SLC23A3: variants seen among roughly 807,000 people sequenced by gnomAD.
The protein encoded by SLC23A3 is solute carrier family 23 member 3.
Under a neutral mutation model 64.7 loss-of-function variants are expected in SLC23A3, and 41 were observed. The ratio of observed to expected loss-of-function variants is 0.63; its 90% confidence interval spans 0.49 to 0.82. The LOEUF (loss-of-function observed/expected upper bound fraction) is 0.82, where lower values mean the gene tolerates loss of function less well. Among genes scored for constraint, SLC23A3 ranks in the 40% least tolerant of loss-of-function variants. The pLI is 0.00. For synonymous variants in SLC23A3, 281 were observed against 306.8 expected, an observed-to-expected ratio of 0.92 and a Z score of 0.88; for missense variants, 647 against 733.4, an observed-to-expected ratio of 0.88 and a Z score of 1.36.
rs1468763109 is a variant in SLC23A3, at chr2:219,161,976, T to A, written c.1766A>T (p.Asp589Val). 6.2e-7 allele frequency: 1 copy of A among 1,611,640 alleles called. No individual in the cohort carries two copies. Among genetic ancestry groups the A allele is most frequent in the South Asian group, 1.1e-5 (1 of 90,944 alleles). Reference protein sequence around the residue: ...GGSSEPEEMADLLPGSGEPCP... With the variant: ...GGSSEPEEMAVLLPGSGEPCP... ...TGGCTCCCCTGAGCCAGGCAGCAAG[T>A]CTGCCATCTCTTCTGGCTCAGAGGA... is the stretch of plus-strand genomic sequence containing the variant. Residue 589 changes from aspartate to valine, a missense_variant, in exon 12 of 12, where the codon GAC becomes GTC. Physicochemically the swap from Asp to Val is radical, Grantham distance 152. Transcript: ENST00000409878.
chr2:219,162,933 T>C (rs1464244243), intron 10 of SLC23A3, among the ~76,000 whole-genome samples: 4 of 152,196 alleles, frequency 2.6e-5, no homozygotes, highest in African/African-American at 4.8e-5. Flanking sequence ...AATCACCCAG[T>C]TGAGAACTGG....
rs766355658 is a variant in SLC23A3, at chr2:219,163,507, G to C, written c.1322C>G (p.Ser441Cys). The C allele has an allele frequency of 6.2e-7, 1 of 1,614,136 alleles. No individual in the cohort carries two copies. The highest frequency in any genetic ancestry group is 2.2e-5 in the East Asian group (1 of 44,874). ...TQAVVLSAGF[S>C]SFYLADIDSG... ...GTCTATGTCAGCCAGGTAGAAGCTG[G>C]AGAATCCAGCAGACAAAACCACAGC... The change falls in exon 10 of 12, where the codon TCC becomes TGC. Residue 441 changes from serine to cysteine, a missense_variant. By Grantham distance (112) the Ser-to-Cys change is moderately radical (BLOSUM62 -1). Coordinates refer to ENST00000409878, the MANE Select transcript of SLC23A3 (RefSeq NM_001144889.2).
At chr2:219,168,375 A>G (rs1292731122) in intron 5 of SLC23A3, 57 bp from the exon 6 acceptor site, 2 of 1,502,848 alleles carry the variant, frequency 1.3e-6, no homozygotes, top group Non-Finnish European at 8.9e-7. Context: ...GGGATGGGAA[A>G]GGAGGTGGGA....
Position 219,164,228 on chromosome 2 carries a change from C to G in SLC23A3, c.1273+5G>C. 1 of 1,595,202 alleles carries G rather than the reference C, an allele frequency of 6.3e-7. No homozygotes were observed. Among genetic ancestry groups the G allele is most frequent in the African/African-American group, 1.3e-5 (1 of 74,600 alleles). The stretch of plus-strand genomic sequence containing the variant: ...AATACCAGCCCTGTTGATACATCCA[C>G]TCACCAACAACAGGCAGTGGGATGG... On this transcript the variant is annotated splice_donor_5th_base_variant and intron_variant, in intron 9 of 11. Transcript: ENST00000409878.
intron 5 of SLC23A3, 100 bp downstream of exon 5, chr2:219,168,552 A>T: frequency 8.0e-7 from 1 of 1,244,714 alleles, no homozygotes; most frequent in Non-Finnish European, 1.1e-6. Flanking sequence ...TCCCTATTCC[A>T]GTCGCTGCTG....
Position 219,168,774 on chromosome 2 carries a change from A to C in SLC23A3, c.552T>G (p.Ser184Arg). ...CACAGTGGGGGAACACGTGGCCGGG[A>C]CTCCCCAGCAGCCCCATCATGCCCT... ...LLQGMMGLLG[S>R]PGHVFPHCGP... Residue 184 changes from serine to arginine, a missense_variant, in exon 5 of 12, where the codon AGT becomes AGG. By Grantham distance (110) the Ser-to-Arg change is moderately radical (BLOSUM62 -1). Coordinates refer to ENST00000409878, the MANE Select transcript of SLC23A3 (RefSeq NM_001144889.2). 1.2e-6 allele frequency: 2 copies of C among 1,609,162 alleles called. No homozygotes were observed. Among genetic ancestry groups the C allele is most frequent in the Non-Finnish European group, 1.7e-6 (2 of 1,177,598 alleles).
chr2:219,164,698 T>C, intron 8 of SLC23A3: 1 of 252,592 alleles, frequency 4.0e-6, no homozygotes, highest in Non-Finnish European at 7.6e-6. Flanking sequence ...TAGCTGGAAT[T>C]ATAGGTGCAC....
chr2:219,165,368 A>G lies in SLC23A3; in HGVS notation c.968T>C (p.Met323Thr), dbSNP rs1310466195. Reference protein sequence around the residue: ...TPRALAAGISMALAASTSSLG... With the variant: ...TPRALAAGISTALAASTSSLG... ...GGAACTGGTGGAGGCTGCCAAGGCCATGGAGATGCCTGCAGCCAGAGCTCT... is the reference window on the plus strand; with the variant it reads ...GGAACTGGTGGAGGCTGCCAAGGCCGTGGAGATGCCTGCAGCCAGAGCTCT... Residue 323 changes from methionine to threonine, a missense_variant, in exon 8 of 12, where the codon ATG becomes ACG. Met to Thr is a moderately conservative substitution (Grantham distance 81). Transcript: ENST00000409878. 4 of 1,551,232 alleles carry G rather than the reference A, an allele frequency of 2.6e-6. No homozygotes were observed. The highest frequency in any genetic ancestry group is 2.0e-5 in the Admixed American group (1 of 50,954).
chr2:219,167,087 G>A (rs995449134), intron 7 of SLC23A3, among the ~76,000 whole-genome samples: 5 of 152,088 alleles, frequency 3.3e-5, no homozygotes, highest in East Asian at 1.9e-4. Flanking sequence ...GCGAAATCCC[G>A]TCTCTACAAA....
Position 219,169,886 on chromosome 2 carries a change from G to A in SLC23A3, c.99C>T (p.Thr33=). 6.2e-7 allele frequency: 1 copy of A among 1,613,738 alleles called. No homozygotes were observed. Among genetic ancestry groups the A allele is most frequent in the Non-Finnish European group, 8.5e-7 (1 of 1,179,830 alleles). Residue 33 remains threonine, a synonymous_variant, in exon 1 of 12, where the codon ACC becomes ACT. Transcript: ENST00000409878. This position sits in a 1 kb window ranked among gnomAD's most constrained non-coding sequence, Gnocchi z 4.5. ...LPPPAPQNPS[T]HSWDPLCGSL... is the part of the protein sequence containing the mutation. ...ATCCACACAAAGGGTCCCAAGAGTG[G>A]GTGGAGGGATTCTGGGGAGCAGGTG...
Position 219,169,147 on chromosome 2 carries a change from G to A in SLC23A3, c.419-45C>T, listed in dbSNP as rs1950035812. The stretch of plus-strand genomic sequence containing the variant: ...TGGAGAAGAGAAGGGTGAATGGAAT[G>A]GAGACCCATTGCTCTACAGTCCCAC... On this transcript the variant is annotated intron_variant, in intron 3 of 11. Coordinates refer to ENST00000409878, the MANE Select transcript of SLC23A3 (RefSeq NM_001144889.2). The surrounding 1 kb of genome is among the most constrained non-coding windows in gnomAD (Gnocchi z 4.5). 4 of 1,605,202 alleles carry A rather than the reference G, an allele frequency of 2.5e-6. No individual in the cohort carries two copies. The highest frequency in any genetic ancestry group is 3.4e-6 in the Non-Finnish European group (4 of 1,172,124).
rs1950033978 is a variant in SLC23A3, at chr2:219,169,025, C to A, written c.492+4G>T. 6.2e-7 allele frequency: 1 copy of A among 1,612,958 alleles called. No homozygotes were observed. Among genetic ancestry groups the A allele is most frequent in the African/African-American group, 1.3e-5 (1 of 74,886 alleles). Reference sequence around the variant, plus strand: ...CTTATCCCTTCTCACCTCCAGATACCCACCTCCTGGAGAGAAGTGTTCCAG... The same window carrying A: ...CTTATCCCTTCTCACCTCCAGATACACACCTCCTGGAGAGAAGTGTTCCAG... On this transcript the variant is annotated splice_donor_region_variant and intron_variant, in intron 4 of 11. Coordinates refer to ENST00000409878, the MANE Select transcript of SLC23A3 (RefSeq NM_001144889.2). This position sits in a 1 kb window ranked among gnomAD's most constrained non-coding sequence, Gnocchi z 4.5.
In SLC23A3 at chr2:219,162,085, T is replaced by C. The variant is rs1559207564; in HGVS notation, c.1657A>G (p.Ile553Val). The stretch of plus-strand genomic sequence containing the variant: ...GGGATGCAGGGACAGAGGTTTTGGA[T>C]GGGGAAAGGAAGTCTGTACACTTGA... ...AAQVYRLPFP[I>V]QNLCPCIPQP... The change falls in exon 12 of 12, where the codon ATC becomes GTC. Residue 553 changes from isoleucine (I) to valine (V), a missense_variant. Ile to Val is a conservative substitution (Grantham distance 29, BLOSUM62 3). Transcript: ENST00000409878. The C allele has an allele frequency of 6.2e-7, 1 of 1,614,074 alleles. No individual in the cohort carries two copies. The highest frequency in any genetic ancestry group is 1.3e-5 in the African/African-American group (1 of 75,002).
Position 219,165,321 on chromosome 2 carries a change from C to T in SLC23A3, c.1015G>A (p.Gly339Ser), listed in dbSNP as rs1238008734. The change falls in exon 8 of 12, where the codon GGC becomes AGC. Residue 339 changes from glycine (G) to serine (S), a missense_variant. Gly to Ser is a moderately conservative substitution (Grantham distance 56, BLOSUM62 0). Coordinates refer to ENST00000409878, the MANE Select transcript of SLC23A3 (RefSeq NM_001144889.2). ...TSSLGCYALC[G>S]RLLHLPPPPP... ...GGGGGAGGCAAATGCAGCAGCCGGC[C>T]ACACAGGGCATAGCAGCCCAGGGAA... The T allele has an allele frequency of 6.4e-7, 1 of 1,551,622 alleles. No homozygotes were observed. Among genetic ancestry groups the T allele is most frequent in the Non-Finnish European group, 8.7e-7 (1 of 1,146,984 alleles).
chr2:219,166,909 G>C (rs1246922237), intron 7 of SLC23A3, among the ~76,000 whole-genome samples: 1 of 152,092 alleles, frequency 6.6e-6, no homozygotes, highest in Non-Finnish European at 1.5e-5. Context: ...ATATTTCCTC[G>C]GGTGACTCTT....
intron 7 of SLC23A3, among the ~76,000 whole-genome samples, chr2:219,166,271 C>A (rs1950004683): frequency 6.6e-6 from 1 of 152,232 alleles, no homozygotes; most frequent in Non-Finnish European, 1.5e-5. Flanking sequence ...TCATAGCTCA[C>A]TGCAGCCTCA....
chr2:219,164,023 C>G (rs1267426441), intron 9 of SLC23A3, among the ~76,000 whole-genome samples: 1 of 152,184 alleles, frequency 6.6e-6, no homozygotes, highest in Non-Finnish European at 1.5e-5. Context: ...TCTGATTCTT[C>G]AGGAAGCCCA....
chr2:219,169,899 T>C lies in SLC23A3; in HGVS notation c.86A>G (p.Gln29Arg), dbSNP rs1325282426. 1 of 1,613,562 alleles carries C rather than the reference T, an allele frequency of 6.2e-7. No homozygotes were observed. The highest frequency in any genetic ancestry group is 8.5e-7 in the Non-Finnish European group (1 of 1,179,758). Reference sequence around the variant, plus strand: ...GTCCCAAGAGTGGGTGGAGGGATTCTGGGGAGCAGGTGGAGGCAAGGGGGC... The same window carrying C: ...GTCCCAAGAGTGGGTGGAGGGATTCCGGGGAGCAGGTGGAGGCAAGGGGGC... Reference protein sequence around the residue: ...ALAPLPPPAPQNPSTHSWDPL... With the variant: ...ALAPLPPPAPRNPSTHSWDPL... The change falls in exon 1 of 12, where the codon CAG becomes CGG. Residue 29 changes from glutamine to arginine, a missense_variant. By Grantham distance (43) the Gln-to-Arg change is conservative (BLOSUM62 1). Transcript: ENST00000409878. The surrounding 1 kb of genome is among the most constrained non-coding windows in gnomAD (Gnocchi z 4.5).
rs200248868 is a variant in SLC23A3, at chr2:219,163,415, G to A, written c.1414C>T (p.Arg472Trp). ...GTGCTGAACAGGACTGGGGCTTCCCGAAACCATCTTGGCAGCAGCAAGGCC... is the reference window on the plus strand; with the variant it reads ...GTGCTGAACAGGACTGGGGCTTCCCAAAACCATCTTGGCAGCAGCAAGGCC... ...FMALLLPRWF[R>W]EAPVLFSTGW... Residue 472 changes from arginine (R) to tryptophan (W), a missense_variant, in exon 10 of 12, where the codon CGG becomes TGG. Coordinates refer to ENST00000409878, the MANE Select transcript of SLC23A3 (RefSeq NM_001144889.2). 2.5e-5 allele frequency: 40 copies of A among 1,614,074 alleles called. No individual in the cohort carries two copies. Among genetic ancestry groups the A allele is most frequent in the Non-Finnish European group, 3.1e-5 (37 of 1,180,050 alleles).
Sources: gnomAD v4.1 joint callset for allele counts (sites outside exome capture counted in the v4.1 genomes callset) on GRCh38, gnomAD v4.1.1 for gene constraint, Gnocchi (gnomAD v3.1) non-coding constraint, MANE v1.5 for transcripts, NCBI Gene and HGNC (gene_info 2026-07-23, HGNC 2026-07-21) for gene names.